Variants in ATAD2B observed in about 807,000 individuals in gnomAD.
ATAD2B encodes ATPase family AAA domain containing 2B.
Under a neutral mutation model 167.6 loss-of-function variants are expected in ATAD2B, and 40 were observed. The ratio of observed to expected loss-of-function variants is 0.24; its 90% confidence interval spans 0.19 to 0.31. The LOEUF is 0.31. Among genes scored for constraint, ATAD2B ranks in the 10% least tolerant of loss-of-function variants. The pLI is 1.00. For synonymous variants in ATAD2B, 579 were observed against 596.5 expected (o/e 0.97, Z 0.43); for missense variants, 1,242 against 1,757.2 (o/e 0.71, Z 5.24).
downstream of ATAD2B, among the ~76,000 whole-genome samples, chr2:23,746,595 A>G (rs1572604500): frequency 6.6e-6 from 1 of 152,312 alleles, no homozygotes; most frequent in East Asian, 1.9e-4. Context: ...AAACAAAAGG[A>G]TTAGTGCCCA....
At chr2:23,717,045 A>C in the ATAD2B span, among the ~76,000 whole-genome samples, 1 of 152,334 alleles carries the variant, frequency 6.6e-6, no homozygotes, top group African/African-American at 2.4e-5. Context: ...ATCATCCAGA[A>C]TTGCCCATTA....
chr2:23,860,904 G>A (rs186787392), intron 12 of ATAD2B, among the ~76,000 whole-genome samples: 175 of 152,290 alleles, frequency 1.1e-3, no homozygotes, highest in Non-Finnish European at 1.9e-3. Context: ...CCAGGAGGTG[G>A]AGGTTGCAGT....
intron 22 of ATAD2B, among the ~76,000 whole-genome samples, chr2:23,777,415 C>T (rs964954387): frequency 6.8e-6 from 1 of 146,636 alleles, no homozygotes; most frequent in Non-Finnish European, 1.5e-5. Flanking sequence ...CAAGAATTGT[C>T]AGAGTCATCT....
Position 23,887,954 on chromosome 2 carries a change from CT to C in ATAD2B, c.449del (p.Lys150ArgfsTer10). ...SLRSHPLRGEKKGDGDLSCIN... is the reference protein window; with the variant it reads ...SLRSHPLRGEXKGDGDLSCIN... ...TACAAGAAAGGTCCCCATCTCCCTT[CT>C]TTTCCCCTCGAAGGGGATGGCTTCG... On this transcript the variant is annotated frameshift_variant, in exon 4 of 28. Transcript: ENST00000238789. LOFTEE classifies it high-confidence loss of function. 1 of 1,604,348 alleles carries C rather than the reference CT, an allele frequency of 6.2e-7. No homozygotes were observed. Among genetic ancestry groups the C allele is most frequent in the South Asian group, 1.1e-5 (1 of 89,158 alleles).
chr2:23,847,505 A>G (rs187361866), intron 13 of ATAD2B, among the ~76,000 whole-genome samples: 3 of 148,434 alleles, frequency 2.0e-5, no homozygotes, highest in African/African-American at 7.4e-5. Context: ...ACTCCATCTC[A>G]AAAAAAAAAG....
chr2:23,777,017 G>A (rs979583550), intron 22 of ATAD2B, among the ~76,000 whole-genome samples: 1 of 152,048 alleles, frequency 6.6e-6, no homozygotes, highest in African/African-American at 2.4e-5. Flanking sequence ...AGGACATATG[G>A]GTGGGTTCTA....
intron 6 of ATAD2B, among the ~76,000 whole-genome samples, chr2:23,883,195 G>A (rs1375790548): frequency 6.6e-6 from 1 of 150,782 alleles, no homozygotes; most frequent in Admixed American, 6.7e-5. Context: ...TGGGAGGATC[G>A]CTTGAGCCTG....
intron 6 of ATAD2B, among the ~76,000 whole-genome samples, chr2:23,881,650 C>T (rs1042707573): frequency 6.1e-5 from 9 of 148,294 alleles, no homozygotes; most frequent in Non-Finnish European, 1.2e-4. Flanking sequence ...CGTGAGCCAC[C>T]GCGCCCAGCT....
intron 15 of ATAD2B, among the ~76,000 whole-genome samples, chr2:23,824,095 T>C (rs1054034621): frequency 2.0e-5 from 3 of 152,128 alleles, no homozygotes; most frequent in Non-Finnish European, 4.4e-5. Context: ...ACTACGGGCA[T>C]GTGCCACCAC....
intron 1 of ATAD2B, among the ~76,000 whole-genome samples, chr2:23,924,292 T>C (rs968557103): frequency 1.3e-5 from 2 of 152,004 alleles, no homozygotes; most frequent in Non-Finnish European, 2.9e-5. Context: ...TCTACAAAAA[T>C]AAGGGTCTGC....
intron 18 of ATAD2B, among the ~76,000 whole-genome samples, chr2:23,798,611 C>A (rs563418242): frequency 6.6e-6 from 1 of 151,868 alleles, no homozygotes; most frequent in Non-Finnish European, 1.5e-5. Flanking sequence ...AATTGCTCCA[C>A]TTATCTAGCA....
chr2:23,916,089 G>C (rs1292525802), intron 1 of ATAD2B, among the ~76,000 whole-genome samples: 1 of 152,074 alleles, frequency 6.6e-6, no homozygotes, highest in African/African-American at 2.4e-5. Context: ...CTCAACCTAA[G>C]ATCTCTTACA....
chr2:23,911,777 G>A (rs1478996657), intron 1 of ATAD2B, among the ~76,000 whole-genome samples: 1 of 151,896 alleles, frequency 6.6e-6, no homozygotes, highest in African/African-American at 2.4e-5. Flanking sequence ...GAGTTCGAGA[G>A]CAGCCTGGCC....
chr2:23,854,401 G>C (rs1303954898), intron 13 of ATAD2B, among the ~76,000 whole-genome samples: 1 of 151,986 alleles, frequency 6.6e-6, no homozygotes, highest in Non-Finnish European at 1.5e-5. Context: ...ACACTGGCTG[G>C]GAACAGTGGC....
At chr2:23,771,154 C>T (rs1443292451) in intron 22 of ATAD2B, among the ~76,000 whole-genome samples, 1 of 152,166 alleles carries the variant, frequency 6.6e-6, no homozygotes, top group Non-Finnish European at 1.5e-5. Flanking sequence ...GATCCTGTCT[C>T]CTGCAACCCT....
intron 3 of ATAD2B, 55 bp from the exon 4 acceptor site, chr2:23,888,040 A>G (rs370952070): frequency 7.7e-7 from 1 of 1,304,286 alleles, no homozygotes; most frequent in East Asian, 3.2e-5. Flanking sequence ...AAGACAGAAA[A>G]GAAAAAAAAA....
At chr2:23,741,890 G>A in the ATAD2B span, among the ~76,000 whole-genome samples, 8 of 152,080 alleles carry the variant, frequency 5.3e-5, no homozygotes, top group Non-Finnish European at 1.0e-4. Context: ...AAAAGTGGGC[G>A]AAGAACATGA....
chr2:23,836,052 A>G (rs936374307), intron 13 of ATAD2B, among the ~76,000 whole-genome samples: 1 of 151,912 alleles, frequency 6.6e-6, no homozygotes, highest in East Asian at 1.9e-4. Context: ...TTTTGCTTAG[A>G]CCTGCTGGGC....
At chr2:23,867,685 T>C (rs981414906) in intron 10 of ATAD2B, 150 bp downstream of exon 10, 11 of 575,016 alleles carry the variant, frequency 1.9e-5, no homozygotes, top group Admixed American at 3.3e-5. Context: ...GCACCACTTG[T>C]GGCTAGGGTT....
Sources: allele counts gnomAD v4.1 joint callset (sites outside exome capture counted in the v4.1 genomes callset), GRCh38; gene constraint gnomAD v4.1.1; transcripts MANE v1.5; gene names NCBI Gene and HGNC (gene_info 2026-07-23, HGNC 2026-07-21).